FBF1: variants seen among roughly 807,000 people sequenced by gnomAD.
FBF1 encodes the protein Fas binding factor 1.
A neutral mutation model predicts 147.2 loss-of-function variants in FBF1; 119 were observed. That is an observed-to-expected ratio of 0.81 (90% CI 0.70 to 0.94). The LOEUF is 0.94. Among genes scored for constraint, FBF1 ranks in the 40% least tolerant of loss-of-function variants. The probability of loss-of-function intolerance (pLI) is 0.00; values close to 1 mark genes in which losing one functional copy is unlikely to be tolerated. For synonymous variants in FBF1, 601 were observed against 609.0 expected (o/e 0.99, Z 0.19); for missense variants, 1,449 against 1,500.8 (o/e 0.97, Z 0.57).
chr17:75,933,953 G>C (rs1443671593), intron 4 of FBF1, among the ~76,000 whole-genome samples: 7 of 152,184 alleles, frequency 4.6e-5, no homozygotes, highest in African/African-American at 7.2e-5. Context: ...ATCTTACACT[G>C]TTGGTGGGAT....
At chr17:75,929,904 G>C in intron 7 of FBF1, 93 bp downstream of exon 7, 1 of 1,141,402 alleles carries the variant, frequency 8.8e-7, no homozygotes, top group Non-Finnish European at 1.3e-6. Flanking sequence ...TGTAAAGGGA[G>C]AAATTAGAAG....
rs764876579 is a variant in FBF1 at position 75,919,846 on chromosome 17, A to T, written c.1960T>A (p.Tyr654Asn). Residue 654 changes from tyrosine to asparagine, a missense_variant, in exon 20 of 30, where the codon TAC (tyrosine) becomes AAC (asparagine). Transcript: ENST00000636174. This position sits in a 1 kb window ranked among gnomAD's most constrained non-coding sequence, Gnocchi z 5.0. The stretch of plus-strand genomic sequence containing the variant: ...CGGAGCCGCTCCTCCCGTTGCTGGT[A>T]CGATGTTTCTAGCACCTTGATGCGG... ...RSRIKVLETS[Y>N]QQREERLRRE... 17 of 1,613,720 alleles carry T rather than the reference A, an allele frequency of 1.1e-5. No individual in the cohort carries two copies. Among genetic ancestry groups the T allele is most frequent in the Non-Finnish European group, 1.4e-5 (16 of 1,179,900 alleles).
chr17:75,929,855 G>T, intron 7 of FBF1, 142 bp downstream of exon 7: 1 of 748,720 alleles, frequency 1.3e-6, no homozygotes, highest in Non-Finnish European at 2.2e-6. Context: ...TCACAGACGA[G>T]TTCCATGCTT....
At chr17:75,913,575 AG>A in intron 28 of FBF1, 126 bp downstream of exon 28, 1 of 608,324 alleles carries the variant, frequency 1.6e-6, no homozygotes, top group Admixed American at 3.3e-5. Context: ...TGTGTAAAAA[AG>A]AAATAAGGCG....
chr17:75,914,802 TC>T lies in FBF1; in HGVS notation c.2758del (p.Glu920SerfsTer24). On this transcript the variant is annotated frameshift_variant, in exon 25 of 30. Coordinates refer to ENST00000636174, the MANE Select transcript of FBF1 (RefSeq NM_001319193.2). LOFTEE classifies it high-confidence loss of function. ...LSKERAEREA[E>X]RALQVDTQRE... is the part of the protein sequence containing the mutation. ...CTGGGTGTCCACCTGCAATGCCCGCTCGGCCTCGCGCTCGGCCCGCTCCTTA... is the reference window on the plus strand; with the variant it reads ...CTGGGTGTCCACCTGCAATGCCCGCTGGCCTCGCGCTCGGCCCGCTCCTTA... 2 of 1,571,340 alleles carry T rather than the reference TC, an allele frequency of 1.3e-6. No homozygotes were observed. The highest frequency in any genetic ancestry group is 8.6e-7 in the Non-Finnish European group (1 of 1,161,560).
chr17:75,913,027 T>G (rs2065464708), intron 28 of FBF1, among the ~76,000 whole-genome samples: 1 of 148,750 alleles, frequency 6.7e-6, no homozygotes, highest in Admixed American at 6.7e-5. Context: ...GTGACAAGAG[T>G]GAAACTCCAT....
chr17:75,914,476 G>A lies in FBF1; in HGVS notation c.2815-178C>T. On this transcript the variant is annotated intron_variant, in intron 25 of 29. Transcript: ENST00000636174. ...CCGGAGTGCTGCCCTCACAAGCCACGTGACTGTGGCAGGCTCAACTCTGAA... is the reference window on the plus strand; with the variant it reads ...CCGGAGTGCTGCCCTCACAAGCCACATGACTGTGGCAGGCTCAACTCTGAA... 3 of 1,011,136 alleles carry A rather than the reference G, an allele frequency of 3.0e-6. No individual in the cohort carries two copies. The East Asian group carries it at 8.0e-5, about 27-fold the overall frequency. 62.6% of individuals were successfully genotyped at this position (1,011,136 alleles called of 1,614,324 possible).
intron 3 of FBF1, 93 bp from the exon 4 acceptor site, chr17:75,935,766 C>G (rs7218498): frequency 0.36 from 448,200 of 1,234,426 alleles, 88,863 homozygotes; most frequent in African/African-American, 0.78. Flanking sequence ...AGGCGTCAGA[C>G]CTTTCAGATG....
In FBF1 at chr17:75,933,196, G is replaced by C. The variant is rs1158297240; in HGVS notation, c.74-108C>G. ...CAAGCTGTCTCTGTATTAGGAGGAAGAAATCTGGCCAAATAGGCAGGTCCC... is the reference window on the plus strand; with the variant it reads ...CAAGCTGTCTCTGTATTAGGAGGAACAAATCTGGCCAAATAGGCAGGTCCC... On this transcript the variant is annotated intron_variant, in intron 4 of 29. Transcript: ENST00000636174. 3 of 794,570 alleles carry C rather than the reference G, an allele frequency of 3.8e-6. No individual in the cohort carries two copies. In the East Asian group the frequency reaches 8.2e-5, roughly 22 times the overall value. 49.2% of individuals were successfully genotyped at this position (794,570 alleles called of 1,614,324 possible).
Position 75,923,106 on chromosome 17 carries a change from C to A in FBF1, c.1424+80G>T. The A allele has an allele frequency of 7.3e-7, 1 of 1,368,592 alleles. No individual in the cohort carries two copies. Among genetic ancestry groups the A allele is most frequent in the South Asian group, 1.5e-5 (1 of 67,302 alleles). 84.8% of individuals were successfully genotyped at this position (1,368,592 alleles called of 1,614,324 possible). A position where few individuals can be genotyped will look rare whatever the true frequency, so the allele number is the denominator to read the frequency against. Reference sequence around the variant, plus strand: ...GTTCCCCAACTGCTGACTGAGGCTGCAACAGGTGAAGGGGCAAAGGGGCTC... The same window carrying A: ...GTTCCCCAACTGCTGACTGAGGCTGAAACAGGTGAAGGGGCAAAGGGGCTC... On this transcript the variant is annotated intron_variant, in intron 14 of 29. Coordinates refer to ENST00000636174, the MANE Select transcript of FBF1 (RefSeq NM_001319193.2). This position sits in a 1 kb window ranked among gnomAD's most constrained non-coding sequence, Gnocchi z 4.1.
chr17:75,920,332 G>C lies in FBF1; in HGVS notation c.1772C>G (p.Ala591Gly). ...AAQVQLQCSP[A>G]ELQAELLHSQ... ...ATGCAGCAGCTCGGCCTGGAGCTCA[G>C]CGGGGCTGCACTGAAGTTGCACCTG... Residue 591 changes from alanine (A) to glycine (G), a missense_variant, in exon 18 of 30, where the codon GCT (alanine) becomes GGT (glycine). Ala to Gly is a moderately conservative substitution (Grantham distance 60). Coordinates refer to ENST00000636174, the MANE Select transcript of FBF1 (RefSeq NM_001319193.2). 1 of 1,610,672 alleles carries C rather than the reference G, an allele frequency of 6.2e-7. No homozygotes were observed. The highest frequency in any genetic ancestry group is 8.5e-7 in the Non-Finnish European group (1 of 1,179,044).
At position 75,917,918 on chromosome 17, in the gene FBF1, G is replaced by T; in HGVS notation, c.2386+13C>A. 6.3e-7 allele frequency: 1 copy of T among 1,593,326 alleles called. No homozygotes were observed. Among genetic ancestry groups the T allele is most frequent in the East Asian group, 2.3e-5 (1 of 44,128 alleles). On this transcript the variant is annotated intron_variant, in intron 22 of 29. Transcript: ENST00000636174. ...CCACCAGGAGCCGGGGTGGCTGAGA[G>T]GGGAGGGCGTACCCCGCAGCTGCTC... is the stretch of plus-strand genomic sequence containing the variant.
At position 75,919,530 on chromosome 17, in the gene FBF1, T is replaced by C; in HGVS notation, c.2138+138A>G. On this transcript the variant is annotated intron_variant, in intron 20 of 29. Transcript: ENST00000636174. This position sits in a 1 kb window ranked among gnomAD's most constrained non-coding sequence, Gnocchi z 5.0. ...GGTCAGTGTGCTCAGCCCTCAGTCC[T>C]CACTCACTGGACTGGGAGGGAAGGA... 1 of 952,560 alleles carries C rather than the reference T, an allele frequency of 1.0e-6. No homozygotes were observed. The highest frequency in any genetic ancestry group is 1.6e-6 in the Non-Finnish European group (1 of 642,190). The allele number at this position is 952,560 out of a possible 1,614,324, so 59.0% of individuals were successfully genotyped here.
At chr17:75,917,147 TA>T (rs2065493688) in intron 23 of FBF1, among the ~76,000 whole-genome samples, 1 of 152,206 alleles carries the variant, frequency 6.6e-6, no homozygotes, top group African/African-American at 2.4e-5. Flanking sequence ...TTGCCTGGCA[TA>T]AAAAAATTTA....
chr17:75,932,898 A>AAT, intron 5 of FBF1, 97 bp downstream of exon 5: 2 of 764,052 alleles, frequency 2.6e-6, no homozygotes, highest in South Asian at 2.6e-5. Flanking sequence ...AAAAAAAAAA[A>AAT]TGGCGAGCAA....
At position 75,923,710 on chromosome 17, in the gene FBF1, A is replaced by G. The variant is rs1327487532; in HGVS notation, c.969-69T>C. 2.1e-6 allele frequency: 3 copies of G among 1,429,204 alleles called. No individual in the cohort carries two copies. The African/African-American group carries it at 4.3e-5, about 20-fold the overall frequency. The allele number at this position is 1,429,204 out of a possible 1,614,324, so 88.5% of individuals were successfully genotyped here. A position where few individuals can be genotyped will look rare whatever the true frequency, so the allele number is the denominator to read the frequency against. On this transcript the variant is annotated intron_variant, in intron 13 of 29. Transcript: ENST00000636174. The surrounding 1 kb of genome is among the most constrained non-coding windows in gnomAD (Gnocchi z 4.1). ...TCCCAGTGGCCCCCTAGCAGCCTGC[A>G]GCTGGGCGTCACGATGCCCAGGGAC... is the stretch of plus-strand genomic sequence containing the variant.
rs1284494375 is a variant in FBF1, at chr17:75,915,165, A to G, written c.2506-26T>C. 3 of 1,599,234 alleles carry G rather than the reference A, an allele frequency of 1.9e-6. No homozygotes were observed. In the African/African-American group the frequency reaches 4.0e-5, roughly 21 times the overall value. On this transcript the variant is annotated intron_variant, in intron 23 of 29. Coordinates refer to ENST00000636174, the MANE Select transcript of FBF1 (RefSeq NM_001319193.2). ...CTGTAGGGCCCAGGGCAGGACTGAG[A>G]GCGTGGTTCCCGCCCTGAGGATCAC...
chr17:75,931,259 G>A lies in FBF1; in HGVS notation c.198C>T (p.Thr66=). 2 of 1,583,212 alleles carry A rather than the reference G, an allele frequency of 1.3e-6. No homozygotes were observed. Among genetic ancestry groups the A allele is most frequent in the Non-Finnish European group, 1.7e-6 (2 of 1,164,854 alleles). ...CATCAGCTTCTTCCAGGCCTGCCAT[G>A]GTGCTGAAGACATCATCACCCAGGA... ...KSLLGDDVFS[T]MAGLEEADAE... Residue 66 remains threonine, a synonymous_variant, in exon 6 of 30, where the codon ACC becomes ACT. Transcript: ENST00000636174.
At chr17:75,924,906 C>T (rs2065550528) in intron 13 of FBF1, among the ~76,000 whole-genome samples, 1 of 152,032 alleles carries the variant, frequency 6.6e-6, no homozygotes, top group Non-Finnish European at 1.5e-5. Flanking sequence ...ATCACGCTGT[C>T]AGAATTGTCA....
Sources: gnomAD v4.1 joint callset for allele counts (sites outside exome capture counted in the v4.1 genomes callset) on GRCh38, gnomAD v4.1.1 for gene constraint, Gnocchi (gnomAD v3.1) non-coding constraint, MANE v1.5 for transcripts, NCBI Gene and HGNC (gene_info 2026-07-23, HGNC 2026-07-21) for gene names.